The following USP42 variants were observed in gnomAD, a reference collection of about 807,000 sequenced individuals.
The protein encoded by USP42 is ubiquitin carboxyl-terminal hydrolase 42.
A neutral mutation model predicts 113.0 loss-of-function variants in USP42; 23 were observed. The ratio of observed to expected loss-of-function variants is 0.20; its 90% CI spans 0.15 to 0.29. The LOEUF (loss-of-function observed/expected upper bound fraction) is 0.29, where lower values mean the gene tolerates loss of function less well. USP42 is among the 10% of genes least tolerant of loss of function. USP42 has a pLI of 1.00. For synonymous variants in USP42, 933 were observed against 699.0 expected (o/e 1.33, Z -5.28); for missense variants, 2,174 against 1,779.8 (o/e 1.22, Z -3.99).
At position 6,123,575 on chromosome 7, in the gene USP42, T is replaced by A. The variant is rs1207906613; in HGVS notation, c.442+8052T>A. 3.7e-4 allele frequency among the ~76,000 whole-genome samples: 56 copies of A among 152,016 alleles called. 1 individual carries two copies. The highest frequency in any genetic ancestry group is 1.0e-4 in the Non-Finnish European group (7 of 67,968). On this transcript the variant is annotated intron_variant, in intron 3 of 17. Transcript: ENST00000306177. ...TACTCGGGAGGCTGAGGCAGGAGAA[T>A]GGCATAAACCCCGGGAGGCAGAGCC...
intron 9 of USP42, among the ~76,000 whole-genome samples, 199 bp downstream of exon 9, chr7:6,144,395 A>G (rs188452249): frequency 2.0e-5 from 3 of 152,336 alleles, no homozygotes; most frequent in African/African-American, 4.8e-5. Context: ...TCTGAAATCC[A>G]AAGAGGACTT....
chr7:6,142,834 T>A, intron 7 of USP42, 98 bp from the exon 8 acceptor site: 1 of 1,118,322 alleles, frequency 8.9e-7, no homozygotes, highest in Non-Finnish European at 1.3e-6. Context: ...CAGTGAGCTG[T>A]GATTGTGCCA....
At chr7:6,089,336 C>T in the USP42 span, among the ~76,000 whole-genome samples, 2 of 148,960 alleles carry the variant, frequency 1.3e-5, no homozygotes, top group East Asian at 4.0e-4. Flanking sequence ...CTAAAGACAT[C>T]CTCCTGGTTG....
At chr7:6,131,280 A>G (rs1223826262) in intron 3 of USP42, among the ~76,000 whole-genome samples, 1 of 152,128 alleles carries the variant, frequency 6.6e-6, no homozygotes, top group African/African-American at 2.4e-5. Context: ...GTCCGAGACC[A>G]GCCTGGCCAA....
chr7:6,083,036 T>C, the USP42 span, among the ~76,000 whole-genome samples: 1 of 148,952 alleles, frequency 6.7e-6, no homozygotes, highest in Non-Finnish European at 1.5e-5. Context: ...CTGATTGTCC[T>C]GCCTCAGCCT....
At chr7:6,156,643 G>A (rs375014786) in intron 15 of USP42, 111 bp from the exon 16 acceptor site, 20 of 1,408,546 alleles carry the variant, frequency 1.4e-5, no homozygotes, top group Middle Eastern at 2.1e-4. Flanking sequence ...AGAATTGTGC[G>A]TGTCTGCACA....
intron 3 of USP42, among the ~76,000 whole-genome samples, chr7:6,119,766 C>G (rs1265528381): frequency 2.6e-5 from 4 of 151,848 alleles, no homozygotes; most frequent in African/African-American, 7.3e-5. Context: ...CAGTGGTGCA[C>G]AGTCAGAGCT....
chr7:6,122,028 T>C (rs1780253716), intron 3 of USP42, among the ~76,000 whole-genome samples: 1 of 152,228 alleles, frequency 6.6e-6, no homozygotes, highest in Non-Finnish European at 1.5e-5. Flanking sequence ...GAACGAGCTC[T>C]TGGTTTCATT....
rs1355253224 is a variant in USP42, at chr7:6,153,799, G to A, written c.2245G>A (p.Glu749Lys). 3 of 1,513,234 alleles carry A rather than the reference G, an allele frequency of 2.0e-6. No individual in the cohort carries two copies. The highest frequency in any genetic ancestry group is 5.0e-5 in the East Asian group (2 of 39,770). 93.7% of individuals were successfully genotyped at this position (1,513,234 alleles called of 1,614,324 possible). ...ERGPPEDRDA[E>K]PQPGSPAAES... is the part of the protein sequence containing the mutation. ...GGGCCCTCCCGAGGACCGCGACGCC[G>A]AGCCTCAGCCTGGCAGCCCCGCCGC... The change falls in exon 15 of 18, where the codon GAG becomes AAG. Residue 749 changes from glutamate (E) to lysine (K), a missense_variant. Coordinates refer to ENST00000306177, the MANE Select transcript of USP42 (RefSeq NM_032172.3).
intron 7 of USP42, among the ~76,000 whole-genome samples, chr7:6,142,127 TCTG>T (rs1345001955): frequency 6.6e-6 from 1 of 152,230 alleles, no homozygotes; most frequent in Non-Finnish European, 1.5e-5. Flanking sequence ...TCACTTTAAT[TCTG>T]CTCATTTTTA....
At chr7:6,082,169 C>T in the USP42 span, among the ~76,000 whole-genome samples, 192 of 151,504 alleles carry the variant, frequency 1.3e-3, no homozygotes, top group Non-Finnish European at 2.3e-3. Context: ...CGCTTTGTCG[C>T]CCAGGCTGGA....
chr7:6,088,136 C>T, the USP42 span, among the ~76,000 whole-genome samples: 6 of 151,112 alleles, frequency 4.0e-5, no homozygotes, highest in Non-Finnish European at 8.8e-5. Context: ...TTTGTCTCTA[C>T]GAAGTATTTA....
intron 3 of USP42, among the ~76,000 whole-genome samples, chr7:6,115,813 A>G (rs1429116044): frequency 6.6e-6 from 1 of 152,166 alleles, no homozygotes; most frequent in East Asian, 1.9e-4. Flanking sequence ...TGTGACAGAA[A>G]TATCTGACAT....
chr7:6,086,146 C>T, the USP42 span, among the ~76,000 whole-genome samples: 1 of 150,384 alleles, frequency 6.6e-6, no homozygotes, highest in South Asian at 2.1e-4. Flanking sequence ...AGCAATTCTC[C>T]TGCCTCAGCC....
rs917804558 is a variant in USP42 at position 6,159,558 on chromosome 7, A to T, written c.*36+65A>T. The T allele has an allele frequency of 3.7e-5, 56 of 1,508,458 alleles. No homozygotes were observed. The highest frequency in any genetic ancestry group is 4.8e-5 in the Non-Finnish European group (52 of 1,088,956). The allele number at this position is 1,508,458 out of a possible 1,614,324, so 93.4% of individuals were successfully genotyped here. On this transcript the variant is annotated intron_variant, in intron 17 of 17. Coordinates refer to ENST00000306177, the MANE Select transcript of USP42 (RefSeq NM_032172.3). This position sits in a 1 kb window ranked among gnomAD's most constrained non-coding sequence, Gnocchi z 4.1. The stretch of plus-strand genomic sequence containing the variant: ...GGCGCTGAGGGGACGCAGGCAGAGG[A>T]GTTTTAATTCTGCGGCTCTGCCTGG...
Position 6,159,407 on chromosome 7 carries a change from T to C in USP42, c.3944-43T>C. The stretch of plus-strand genomic sequence containing the variant: ...CACACAGCAGAGGCCCTGGCGATTT[T>C]GCAACCATCATTAAAATCTCTTTCC... On this transcript the variant is annotated intron_variant, in intron 16 of 17. Coordinates refer to ENST00000306177, the MANE Select transcript of USP42 (RefSeq NM_032172.3). This position sits in a 1 kb window ranked among gnomAD's most constrained non-coding sequence, Gnocchi z 4.1. The C allele has an allele frequency of 6.2e-7, 1 of 1,613,804 alleles. No individual in the cohort carries two copies.
chr7:6,126,382 T>A lies in USP42; in HGVS notation c.443-9459T>A, dbSNP rs1248759638. On this transcript the variant is annotated intron_variant, in intron 3 of 17. Coordinates refer to ENST00000306177, the MANE Select transcript of USP42 (RefSeq NM_032172.3). Reference sequence around the variant, plus strand: ...TCACTGCAGGCTTCGCCTCCTGGCTTCACGCCATTCTCCTGCCTCAGCCTC... The same window carrying A: ...TCACTGCAGGCTTCGCCTCCTGGCTACACGCCATTCTCCTGCCTCAGCCTC... 5.3e-5 allele frequency among the ~76,000 whole-genome samples: 8 copies of A among 152,134 alleles called. No homozygotes were observed. The East Asian group carries it at 1.5e-3, about 29-fold the overall frequency.
chr7:6,161,343 G>GAT lies in USP42; in HGVS notation c.*827_*828dup, dbSNP rs1782772451. 1.3e-5 allele frequency: 2 copies of GAT among 152,562 alleles called. No individual in the cohort carries two copies. Among genetic ancestry groups the GAT allele is most frequent in the African/African-American group, 4.8e-5 (2 of 41,414 alleles). 9.5% of individuals were successfully genotyped at this position (152,562 alleles called of 1,614,324 possible). A position where few individuals can be genotyped will look rare whatever the true frequency, so the allele number is the denominator to read the frequency against. ...TAATATGGATATGCTATCAAACTGT[G>GAT]ATACACTTATAATTCACTGGTCCTG... On this transcript the variant is annotated 3_prime_UTR_variant, in exon 18 of 18. Coordinates refer to ENST00000306177, the MANE Select transcript of USP42 (RefSeq NM_032172.3).
In USP42 at chr7:6,160,618, C is replaced by G. The variant is rs1379932828; in HGVS notation, c.*100C>G. The G allele has an allele frequency of 6.5e-6, 1 of 152,688 alleles. No homozygotes were observed. Among genetic ancestry groups the G allele is most frequent in the African/African-American group, 2.4e-5 (1 of 41,472 alleles). 9.5% of individuals were successfully genotyped at this position (152,688 alleles called of 1,614,324 possible). ...TAAATTATAAAGATAGACAATAACT[C>G]TGTTCCAATCTGCGTGGTGCTTCTT... is the stretch of plus-strand genomic sequence containing the variant. On this transcript the variant is annotated 3_prime_UTR_variant, in exon 18 of 18. Transcript: ENST00000306177.
Sources: gnomAD v4.1 joint callset for allele counts (sites outside exome capture counted in the v4.1 genomes callset) on GRCh38, gnomAD v4.1.1 for gene constraint, Gnocchi (gnomAD v3.1) non-coding constraint, MANE v1.5 for transcripts, NCBI Gene and HGNC (gene_info 2026-07-23, HGNC 2026-07-21) for gene names.